The following ZNF677 variants were observed in gnomAD, a reference collection of about 807,000 sequenced individuals.
ZNF677 encodes zinc finger protein 677, also known as hypothetical protein MGC48625.
Under a neutral mutation model 8.1 loss-of-function variants are expected in ZNF677, and 5 were observed. The observed-to-expected ratio is 0.62, with a 90% CI of 0.32 to 1.29. The LOEUF (loss-of-function observed/expected upper bound fraction) is 1.29, where lower values mean the gene tolerates loss of function less well. Among genes scored for constraint, ZNF677 ranks in the 50% most tolerant of loss-of-function variants. ZNF677 has a pLI of 0.05. For missense variants in ZNF677, 685 were observed against 685.9 expected (o/e 1.00, Z 0.01); for synonymous variants, 221 against 225.6 (o/e 0.98, Z 0.18).
At chr19:53,241,947 T>C (rs1470965392) in intron 4 of ZNF677, 5 of 385,384 alleles carry the variant, frequency 1.3e-5, no homozygotes, top group African/African-American at 2.2e-5. Flanking sequence ...TTTTTTTTTT[T>C]CGAGATGGAG....
intron 4 of ZNF677, chr19:53,238,798 C>A: frequency 3.2e-6 from 1 of 316,206 alleles, no homozygotes; most frequent in Non-Finnish European, 5.8e-6. Flanking sequence ...AGCTAAAACA[C>A]TCATACTATG....
At chr19:53,240,320 C>G (rs2091029335) in intron 4 of ZNF677, 1 of 152,294 alleles carries the variant, frequency 6.6e-6, no homozygotes, top group Admixed American at 6.5e-5. Flanking sequence ...GGTCTCGGCT[C>G]ATCACAACCT....
intron 3 of ZNF677, among the ~76,000 whole-genome samples, chr19:53,245,816 A>T (rs962376604): frequency 2.0e-5 from 3 of 152,014 alleles, no homozygotes; most frequent in African/African-American, 7.3e-5. Context: ...GTTCAAGACC[A>T]GCCTGGCCAA....
chr19:53,251,281 GC>G (rs959602660), intron 3 of ZNF677, among the ~76,000 whole-genome samples: 5 of 152,262 alleles, frequency 3.3e-5, no homozygotes, highest in Middle Eastern at 3.4e-3. Context: ...CATGGAGCCT[GC>G]CCCCCATACC....
intron 4 of ZNF677, 193 bp from the exon 5 acceptor site, chr19:53,238,750 G>A (rs187638923): frequency 3.9e-5 from 18 of 458,798 alleles, no homozygotes; most frequent in Admixed American, 3.2e-4. Flanking sequence ...AACAAAACAT[G>A]TAACAAATTA....
intron 3 of ZNF677, among the ~76,000 whole-genome samples, chr19:53,245,278 G>A (rs1368908814): frequency 6.6e-6 from 1 of 152,034 alleles, no homozygotes; most frequent in Non-Finnish European, 1.5e-5. Context: ...ATAGACCAGT[G>A]GGACTACATC....
chr19:53,238,552 A>G lies in ZNF677; in HGVS notation c.175T>C (p.Ser59Pro), dbSNP rs138282537. 3.2e-4 allele frequency: 493 copies of G among 1,550,798 alleles called. No homozygotes were observed. The highest frequency in any genetic ancestry group is 4.1e-4 in the Non-Finnish European group (470 of 1,157,006). The change falls in exon 5 of 5, where the codon TCT becomes CCT. Residue 59 changes from serine (S) to proline (P), a missense_variant. By Grantham distance (74) the Ser-to-Pro change is moderately conservative. Transcript: ENST00000598513. ...AATCCCTTGCTTGTAAATCCAACAG[A>G]AATATCTGAAAGATATTAAAAAAAC... ...EDNIPPEDDI[S>P]VGFTSKGLSP... is the part of the protein sequence containing the mutation.
rs758520857 is a variant in ZNF677 at position 53,237,562 on chromosome 19, T to C, written c.1165A>G (p.Ser389Gly). 5.0e-6 allele frequency: 8 copies of C among 1,613,736 alleles called. No homozygotes were observed. The East Asian group carries it at 1.6e-4, about 31-fold the overall frequency. Residue 389 changes from serine (S) to glycine (G), a missense_variant, in exon 5 of 5, where the codon AGC (serine) becomes GGC (glycine). Coordinates refer to ENST00000598513, the MANE Select transcript of ZNF677 (RefSeq NM_182609.4). ...ECDKAFAERS[S>G]LTQHKRIHTG... Reference sequence around the variant, plus strand: ...TGGATTCTCTTATGTTGGGTAAGGCTTGAACGTTCAGCAAAGGCTTTGTCA... The same window carrying C: ...TGGATTCTCTTATGTTGGGTAAGGCCTGAACGTTCAGCAAAGGCTTTGTCA...
chr19:53,237,420 C>T lies in ZNF677; in HGVS notation c.1307G>A (p.Cys436Tyr), dbSNP rs1380954807. 6.2e-7 allele frequency: 1 copy of T among 1,614,052 alleles called. No homozygotes were observed. Among genetic ancestry groups the T allele is most frequent in the Admixed American group, 1.7e-5 (1 of 60,012 alleles). Residue 436 changes from cysteine (C) to tyrosine (Y), a missense_variant, in exon 5 of 5, where the codon TGT becomes TAT. By Grantham distance (194) the Cys-to-Tyr change is radical (BLOSUM62 -2). Transcript: ENST00000598513. ...TGAACTTTGGATAAAAGCCCTGCCA[C>T]ACACATTACATTTGTGTGGTTTCTC... The part of the protein sequence containing the change: ...PGEKPHKCNV[C>Y]GRAFIQSSSL...
At chr19:53,244,471 A>C (rs1183538709) in intron 3 of ZNF677, among the ~76,000 whole-genome samples, 1 of 152,144 alleles carries the variant, frequency 6.6e-6, no homozygotes, top group Non-Finnish European at 1.5e-5. Flanking sequence ...ATTTTTATCA[A>C]CTCCAAAAGA....
chr19:53,245,956 G>A (rs530616443), intron 3 of ZNF677, among the ~76,000 whole-genome samples: 1 of 152,136 alleles, frequency 6.6e-6, no homozygotes, highest in East Asian at 1.9e-4. Flanking sequence ...CAGTTGCAGT[G>A]AGCCAAGATT....
intron 4 of ZNF677, chr19:53,241,599 A>G: frequency 2.7e-6 from 1 of 372,100 alleles, no homozygotes; most frequent in East Asian, 3.8e-5. Flanking sequence ...GATGATCAGC[A>G]TATATCTAAC....
chr19:53,238,584 C>T, intron 4 of ZNF677, 27 bp from the exon 5 acceptor site: 2 of 1,513,086 alleles, frequency 1.3e-6, no homozygotes, highest in African/African-American at 1.4e-5. Context: ...AAACCACAGG[C>T]TTTCCATCAA....
At chr19:53,244,678 CCAAAG>C (rs1441664631) in intron 3 of ZNF677, among the ~76,000 whole-genome samples, 11 of 152,270 alleles carry the variant, frequency 7.2e-5, no homozygotes, top group Non-Finnish European at 1.5e-4. Flanking sequence ...TCCATATTAT[CCAAAG>C]CAATCTACAG....
chr19:53,245,451 T>C (rs931359335), intron 3 of ZNF677, among the ~76,000 whole-genome samples: 6 of 151,982 alleles, frequency 3.9e-5, no homozygotes, highest in African/African-American at 1.4e-4. Flanking sequence ...AATTACCCAA[T>C]AAAAAATGGG....
rs745818603 is a variant in ZNF677, at chr19:53,253,138, C to T, written c.-108G>A. ...CAGTTCATCTTCCTCGCATCCTCCCCGAGGTCATATTGTGTGGGCTGCAGT... is the reference window on the plus strand; with the variant it reads ...CAGTTCATCTTCCTCGCATCCTCCCTGAGGTCATATTGTGTGGGCTGCAGT... On this transcript the variant is annotated 5_prime_UTR_variant, in exon 2 of 5. Transcript: ENST00000598513. 9.9e-5 allele frequency: 15 copies of T among 152,044 alleles called. No individual in the cohort carries two copies. The highest frequency in any genetic ancestry group is 1.9e-4 in the Non-Finnish European group (13 of 67,994). The allele number at this position is 152,044 out of a possible 1,614,324, so 9.4% of individuals were successfully genotyped here.
intron 4 of ZNF677, chr19:53,243,353 C>T (rs2091085065): frequency 7.3e-6 from 2 of 273,288 alleles, no homozygotes; most frequent in Non-Finnish European, 1.4e-5. Flanking sequence ...CATGGGTCTG[C>T]AAAACTATTT....
At chr19:53,242,193 A>C in intron 4 of ZNF677, 2 of 397,374 alleles carry the variant, frequency 5.0e-6, no homozygotes, top group African/African-American at 4.1e-5. Context: ...CGGCCTCCCA[A>C]AGTGCTGGGA....
At chr19:53,248,851 G>A (rs1035984435) in intron 3 of ZNF677, among the ~76,000 whole-genome samples, 4 of 152,092 alleles carry the variant, frequency 2.6e-5, no homozygotes, top group Non-Finnish European at 4.4e-5. Context: ...ATATATTTGG[G>A]AGGTTTCAGT....
Sources: allele counts gnomAD v4.1 joint callset (sites outside exome capture counted in the v4.1 genomes callset), GRCh38; gene constraint gnomAD v4.1.1; transcripts MANE v1.5; gene names NCBI Gene and HGNC (gene_info 2026-07-23, HGNC 2026-07-21).